The following CMSS1 variants were observed in gnomAD, a reference collection of about 807,000 sequenced individuals.
CMSS1 encodes cms1 ribosomal small subunit homolog.
Under a neutral mutation model 43.5 loss-of-function variants are expected in CMSS1, and 33 were observed. The ratio of observed to expected loss-of-function variants is 0.76; its 90% CI spans 0.57 to 1.01. The LOEUF is 1.01. Ranked by LOEUF, CMSS1 falls within the 50% of genes least tolerant of loss-of-function variation. The pLI is 0.00. For synonymous variants in CMSS1, 115 were observed against 117.2 expected, an observed-to-expected ratio of 0.98 and a Z score of 0.12; for missense variants, 313 against 326.4, an observed-to-expected ratio of 0.96 and a Z score of 0.32.
intron 1 of CMSS1, among the ~76,000 whole-genome samples, chr3:100,098,764 C>T (rs1281718414): frequency 2.0e-5 from 3 of 152,142 alleles, no homozygotes; most frequent in African/African-American, 7.2e-5. Flanking sequence ...GAAAACAAAC[C>T]ATTAGCAAGG....
chr3:100,050,470 C>A (rs1204477138), intron 1 of CMSS1, among the ~76,000 whole-genome samples: 2 of 152,106 alleles, frequency 1.3e-5, no homozygotes, highest in Admixed American at 6.5e-5. Context: ...CAAATTAGAT[C>A]ATAGTCATTT....
chr3:99,934,938 G>A (rs1424068660), intron 1 of CMSS1, among the ~76,000 whole-genome samples: 1 of 152,196 alleles, frequency 6.6e-6, no homozygotes, highest in African/African-American at 2.4e-5. Context: ...GATTAATGAA[G>A]TGGTGTTCAC....
intron 1 of CMSS1, among the ~76,000 whole-genome samples, chr3:99,964,829 C>T (rs1045019997): frequency 3.9e-5 from 6 of 152,146 alleles, no homozygotes; most frequent in African/African-American, 1.4e-4. Context: ...CTCTCATCTA[C>T]TATGCTCCCT....
rs554612982 is a variant in CMSS1, at chr3:99,997,137, A to G, written c.65-149836A>G. Among the ~76,000 whole-genome samples, 72 of 152,344 alleles carry G rather than the reference A, an allele frequency of 4.7e-4. 2 individuals carry two copies. In the South Asian group the frequency reaches 0.013, roughly 28 times the overall value. On this transcript the variant is annotated intron_variant, in intron 1 of 9. Transcript: ENST00000421999. Reference sequence around the variant, plus strand: ...AGATCAGAGCAGAACTAAATGGAGTAGAAACAAGAAAAACCATACAAAGGA... The same window carrying G: ...AGATCAGAGCAGAACTAAATGGAGTGGAAACAAGAAAAACCATACAAAGGA...
At chr3:99,888,490 A>G (rs910181025) in intron 1 of CMSS1, among the ~76,000 whole-genome samples, 11 of 152,220 alleles carry the variant, frequency 7.2e-5, no homozygotes, top group African/African-American at 2.7e-4. Context: ...CCAGGCTACA[A>G]CAAACAAAAC....
chr3:99,819,134 C>T (rs996744378), intron 1 of CMSS1, among the ~76,000 whole-genome samples: 5 of 152,264 alleles, frequency 3.3e-5, no homozygotes, highest in African/African-American at 9.6e-5. Flanking sequence ...GCATTGTTTC[C>T]GGAAGGTCAA....
intron 1 of CMSS1, among the ~76,000 whole-genome samples, chr3:99,947,010 A>T (rs1708028925): frequency 6.6e-6 from 1 of 151,876 alleles, no homozygotes; most frequent in Non-Finnish European, 1.5e-5. Context: ...GGTGGCAGGC[A>T]CCTGTAATCC....
chr3:100,077,759 A>T (rs776432968), intron 1 of CMSS1, among the ~76,000 whole-genome samples: 1 of 152,134 alleles, frequency 6.6e-6, no homozygotes, highest in Non-Finnish European at 1.5e-5. Context: ...GAAATAAAAA[A>T]ATTAGCCAAG....
intron 1 of CMSS1, among the ~76,000 whole-genome samples, chr3:100,137,489 G>A (rs2066765346): frequency 6.6e-6 from 1 of 151,772 alleles, no homozygotes; most frequent in South Asian, 2.1e-4. Context: ...AGCTCAAAAT[G>A]AGAGGGGAAG....
intron 2 of CMSS1, among the ~76,000 whole-genome samples, chr3:100,154,636 A>AT (rs1284209962): frequency 5.3e-5 from 8 of 152,158 alleles, no homozygotes; most frequent in Admixed American, 1.3e-4. Context: ...GGCAATTTAA[A>AT]TTTTTTTATT....
chr3:99,951,120 C>CTT (rs1708164158), intron 1 of CMSS1, among the ~76,000 whole-genome samples: 1 of 152,158 alleles, frequency 6.6e-6, no homozygotes, highest in Admixed American at 6.5e-5. Context: ...ACTCATAGGC[C>CTT]TTTGCCTGTG....
chr3:99,824,258 C>T (rs914105322), intron 1 of CMSS1, among the ~76,000 whole-genome samples: 2 of 152,124 alleles, frequency 1.3e-5, no homozygotes, highest in Non-Finnish European at 2.9e-5. Context: ...TCAGTTCAAA[C>T]GTCACCTACT....
chr3:100,064,384 A>AC (rs1021526802), intron 1 of CMSS1, among the ~76,000 whole-genome samples: 9 of 138,684 alleles, frequency 6.5e-5, no homozygotes, highest in East Asian at 2.1e-4. Flanking sequence ...GCTAATCCTG[A>AC]CCCCCCCAAC....
intron 1 of CMSS1, among the ~76,000 whole-genome samples, chr3:99,869,027 A>G (rs535658470): frequency 1.4e-4 from 21 of 152,316 alleles, no homozygotes; most frequent in Admixed American, 1.2e-3. Flanking sequence ...ATAGAGAGGT[A>G]AAAAGAACCA....
At chr3:99,957,693 C>CTTTTTTTTTTTTTTTGTTTTTTTTTTTT in intron 1 of CMSS1, among the ~76,000 whole-genome samples, 1 of 19,894 alleles carries the variant, frequency 5.0e-5, no homozygotes, top group Non-Finnish European at 1.1e-4. Flanking sequence ...TTCTTTCTTT[C>CTTTTTTTTTTTTTTTGTTTTTTTTTTTT]TTTTTTTTTT....
intron 1 of CMSS1, among the ~76,000 whole-genome samples, chr3:100,058,870 G>C (rs193247376): frequency 3.2e-4 from 48 of 152,350 alleles, no homozygotes; most frequent in African/African-American, 1.2e-3. Flanking sequence ...GATGTGTTTA[G>C]TATTCTAGAA....
intron 1 of CMSS1, among the ~76,000 whole-genome samples, chr3:100,095,568 G>A (rs907001558): frequency 6.6e-6 from 1 of 152,004 alleles, no homozygotes; most frequent in Non-Finnish European, 1.5e-5. Context: ...ACATTTATGT[G>A]CAGAAGAATG....
At chr3:99,901,223 C>T (rs549668202) in intron 1 of CMSS1, among the ~76,000 whole-genome samples, 1 of 152,198 alleles carries the variant, frequency 6.6e-6, no homozygotes, top group Non-Finnish European at 1.5e-5. Context: ...AATGGCTACA[C>T]GTTGAAATAG....
At chr3:100,080,620 T>C (rs1330791880) in intron 1 of CMSS1, among the ~76,000 whole-genome samples, 1 of 152,082 alleles carries the variant, frequency 6.6e-6, no homozygotes, top group Non-Finnish European at 1.5e-5. Context: ...TATGAAGGAG[T>C]GATGCCTTGT....
Sources: allele counts gnomAD v4.1 joint callset (sites outside exome capture counted in the v4.1 genomes callset), GRCh38; gene constraint gnomAD v4.1.1; transcripts MANE v1.5; gene names NCBI Gene and HGNC (gene_info 2026-07-23, HGNC 2026-07-21).